Variants in CPQ observed in about 807,000 individuals in gnomAD.
CPQ encodes the protein carboxypeptidase Q, also known as Ser-Met dipeptidase.
A neutral mutation model predicts 45.7 loss-of-function variants in CPQ; 37 were observed. That is an observed-to-expected ratio of 0.81 (90% confidence interval 0.62 to 1.07). The LOEUF is 1.07. CPQ is among the 50% of genes least tolerant of loss of function. The probability of loss-of-function intolerance (pLI) is 0.00; values close to 1 mark genes in which losing one functional copy is unlikely to be tolerated. For missense variants in CPQ, 537 were observed against 572.9 expected, an observed-to-expected ratio of 0.94 and a Z score of 0.64; for synonymous variants, 186 against 205.8, an observed-to-expected ratio of 0.90 and a Z score of 0.82.
At chr8:96,816,019 A>G (rs889729553) in intron 2 of CPQ, among the ~76,000 whole-genome samples, 31 of 152,242 alleles carry the variant, frequency 2.0e-4, no homozygotes, top group Admixed American at 1.6e-3. Context: ...GCTGAAGGCT[A>G]GGGTGGCTGT....
chr8:97,072,724 T>G (rs1438104092), intron 7 of CPQ, among the ~76,000 whole-genome samples: 2 of 152,182 alleles, frequency 1.3e-5, no homozygotes, highest in Non-Finnish European at 2.9e-5. Flanking sequence ...TAATTTCTAC[T>G]CACTCATGAT....
intron 2 of CPQ, among the ~76,000 whole-genome samples, chr8:96,803,173 T>C (rs1007153147): frequency 1.3e-5 from 2 of 152,202 alleles, no homozygotes; most frequent in Non-Finnish European, 2.9e-5. Context: ...CAAAAAATGC[T>C]GAGGGCAGGA....
chr8:97,135,275 T>G (rs1812031280), intron 7 of CPQ, among the ~76,000 whole-genome samples: 1 of 152,202 alleles, frequency 6.6e-6, no homozygotes, highest in Non-Finnish European at 1.5e-5. Context: ...GTTTTTACTT[T>G]CTGGTCCTGT....
chr8:97,121,534 A>G (rs1468950176), intron 7 of CPQ, among the ~76,000 whole-genome samples: 1 of 152,234 alleles, frequency 6.6e-6, no homozygotes. Context: ...TAGAGCTGCC[A>G]AAACAATAGC....
intron 4 of CPQ, among the ~76,000 whole-genome samples, chr8:96,893,038 C>G (rs1428604585): frequency 6.6e-6 from 1 of 152,154 alleles, no homozygotes; most frequent in Non-Finnish European, 1.5e-5. Context: ...TTAATGTTCA[C>G]CACAACCTTG....
intron 6 of CPQ, among the ~76,000 whole-genome samples, chr8:97,062,702 ACT>A (rs1186892534): frequency 6.6e-6 from 1 of 152,022 alleles, no homozygotes; most frequent in Non-Finnish European, 1.5e-5. Flanking sequence ...TTTAACTCCC[ACT>A]TATAAGTGAG....
At chr8:96,864,378 C>A (rs1462720119) in intron 3 of CPQ, among the ~76,000 whole-genome samples, 1 of 152,012 alleles carries the variant, frequency 6.6e-6, no homozygotes, top group Non-Finnish European at 1.5e-5. Context: ...CATGGCCCCA[C>A]CCAAAGCTTT....
chr8:97,122,965 A>ATTAAATTAAAT lies in CPQ; in HGVS notation c.1256-20054_1256-20053insTAAATTAAATT, dbSNP rs1192884217. 7.3e-5 allele frequency among the ~76,000 whole-genome samples: 6 copies of ATTAAATTAAAT among 82,600 alleles called. 1 individual carries two copies. The highest frequency in any genetic ancestry group is 5.3e-4 in the Admixed American group (3 of 5,680). 54.2% of individuals were successfully genotyped at this position (82,600 alleles called of 152,430 possible). A position where few individuals can be genotyped will look rare whatever the true frequency, so the allele number is the denominator to read the frequency against. On this transcript the variant is annotated intron_variant, in intron 7 of 7. Transcript: ENST00000220763. ...ATAAAATAAAATAAAATAAAATAAAATAAAATAAAATAAAATTAAAATAAA... is the reference window on the plus strand; with the variant it reads ...ATAAAATAAAATAAAATAAAATAAAATTAAATTAAATTAAAATAAAATAAAATTAAAATAAA...
intron 6 of CPQ, among the ~76,000 whole-genome samples, chr8:97,031,892 A>G (rs1809913263): frequency 6.6e-6 from 1 of 152,230 alleles, no homozygotes; most frequent in Non-Finnish European, 1.5e-5. Flanking sequence ...GACATTGTGC[A>G]TGCTTTACAT....
chr8:96,972,851 G>C (rs1220707018), intron 5 of CPQ, among the ~76,000 whole-genome samples: 1 of 152,146 alleles, frequency 6.6e-6, no homozygotes, highest in Non-Finnish European at 1.5e-5. Context: ...ATCACATCAA[G>C]GGAGCATCCC....
At chr8:97,056,457 T>C (rs1220954279) in intron 6 of CPQ, 3 of 152,054 alleles carry the variant, frequency 2.0e-5, no homozygotes, top group Non-Finnish European at 2.9e-5. Context: ...CAGTAAAGCA[T>C]AAAAAGAGCC....
At chr8:97,072,120 G>A (rs781164515) in intron 7 of CPQ, among the ~76,000 whole-genome samples, 4 of 152,118 alleles carry the variant, frequency 2.6e-5, no homozygotes, top group African/African-American at 4.8e-5. Flanking sequence ...ATGCAGAGGC[G>A]ATAGAGTGGA....
rs1221739112 is a variant in CPQ at position 96,834,795 on chromosome 8, CTT to C, written c.434-177_434-176del. ...ATTATTTTGAATGCCTTTTCACTCT[CTT>C]GGGAAGTTGGCTAACCCCACAGTCC... On this transcript the variant is annotated intron_variant, in intron 2 of 7. Coordinates refer to ENST00000220763, the MANE Select transcript of CPQ (RefSeq NM_016134.4). Among the ~76,000 whole-genome samples, 11 of 152,280 alleles carry C rather than the reference CTT, an allele frequency of 7.2e-5. No homozygotes were observed. The East Asian group carries it at 9.7e-4, about 13-fold the overall frequency.
At chr8:96,802,014 G>A (rs1292621369) in intron 2 of CPQ, among the ~76,000 whole-genome samples, 1 of 151,910 alleles carries the variant, frequency 6.6e-6, no homozygotes, top group East Asian at 1.9e-4. Flanking sequence ...CTTTGTCTTT[G>A]TGTTTATTTT....
chr8:96,721,316 T>A (rs1173807142), intron 1 of CPQ, among the ~76,000 whole-genome samples: 1 of 151,946 alleles, frequency 6.6e-6, no homozygotes, highest in Non-Finnish European at 1.5e-5. Flanking sequence ...GATGGGAAAT[T>A]GGGATTACTT....
intron 1 of CPQ, among the ~76,000 whole-genome samples, chr8:96,652,199 T>C (rs1050833570): frequency 6.6e-6 from 1 of 152,250 alleles, no homozygotes; most frequent in African/African-American, 2.4e-5. Context: ...AGATTCCACG[T>C]AGAAGTGAGA....
At chr8:97,101,951 CCTCTCT>C (rs150834817) in intron 7 of CPQ, among the ~76,000 whole-genome samples, 9 of 90,728 alleles carry the variant, frequency 9.9e-5, no homozygotes, top group Admixed American at 2.0e-4. Context: ...TCCCTCCCTC[CCTCTCT>C]CTCTCTCTCT....
chr8:97,008,971 T>C (rs1182053068), intron 5 of CPQ, among the ~76,000 whole-genome samples: 1 of 152,262 alleles, frequency 6.6e-6, no homozygotes, highest in Non-Finnish European at 1.5e-5. Flanking sequence ...TTGTGTCTGC[T>C]GCTCACATAA....
At chr8:97,111,019 A>G (rs1811490559) in intron 7 of CPQ, among the ~76,000 whole-genome samples, 1 of 152,208 alleles carries the variant, frequency 6.6e-6, no homozygotes, top group African/African-American at 2.4e-5. Context: ...CTTTTCCAAC[A>G]TAAAAAATAG....
Sources: allele counts gnomAD v4.1 joint callset (sites outside exome capture counted in the v4.1 genomes callset), GRCh38; gene constraint gnomAD v4.1.1; transcripts MANE v1.5; gene names NCBI Gene and HGNC (gene_info 2026-07-23, HGNC 2026-07-21).